Variants in CDH19 observed in about 807,000 individuals in gnomAD.
CDH19 encodes cadherin-19.
CDH19 carries 67 observed loss-of-function variants against 64.2 expected under a neutral mutation model. The ratio of observed to expected loss-of-function variants is 1.04; its 90% CI spans 0.86 to 1.28. The LOEUF (loss-of-function observed/expected upper bound fraction) is 1.28. CDH19 is among the 50% of genes most tolerant of loss of function. CDH19 has a pLI of 0.00. For synonymous variants in CDH19, 346 were observed against 319.3 expected (o/e 1.08, Z -0.89); for missense variants, 1,030 against 929.0 (o/e 1.11, Z -1.41).
intron 7 of CDH19, among the ~76,000 whole-genome samples, chr18:66,539,721 T>G (rs1986814360): frequency 6.6e-6 from 1 of 152,050 alleles, no homozygotes; most frequent in Non-Finnish European, 1.5e-5. Context: ...TCTGTAGTTT[T>G]CTTTGCTTGT....
intron 3 of CDH19, among the ~76,000 whole-genome samples, chr18:66,556,776 G>A (rs1344711398): frequency 6.6e-6 from 1 of 151,804 alleles, no homozygotes; most frequent in Admixed American, 6.6e-5. Context: ...CTCCAACGAA[G>A]ACACACACAA....
intron 3 of CDH19, among the ~76,000 whole-genome samples, chr18:66,566,997 T>C (rs1043509324): frequency 6.6e-5 from 10 of 151,822 alleles, no homozygotes; most frequent in African/African-American, 2.4e-4. Context: ...ATAATTCACC[T>C]CAAATATCAC....
chr18:66,526,726 T>C (rs894257162), intron 9 of CDH19, among the ~76,000 whole-genome samples: 3 of 151,964 alleles, frequency 2.0e-5, no homozygotes, highest in African/African-American at 7.2e-5. Flanking sequence ...TGTGCATAAG[T>C]TTTTTTCACA....
In CDH19 at chr18:66,572,197, C is replaced by T; in HGVS notation, c.8G>A (p.Cys3Tyr). 1 of 1,609,246 alleles carries T rather than the reference C, an allele frequency of 6.2e-7. No individual in the cohort carries two copies. Among genetic ancestry groups the T allele is most frequent in the Non-Finnish European group, 8.5e-7 (1 of 1,176,780 alleles). The part of the protein sequence containing the change: MN[C>Y]YLLLRFMLGI... ...CAACATAAAACGCAGCAGTAAATAA[C>T]AGTTCATTGCGTTGACTCTTTTGAT... Residue 3 changes from cysteine (C) to tyrosine (Y), a missense_variant, in exon 2 of 12, where the codon TGT becomes TAT. By Grantham distance (194) the Cys-to-Tyr change is radical. Transcript: ENST00000262150.
intron 9 of CDH19, among the ~76,000 whole-genome samples, chr18:66,513,111 T>G (rs1056792670): frequency 2.0e-5 from 3 of 151,466 alleles, no homozygotes; most frequent in Admixed American, 2.0e-4. Context: ...AAGTATAGAA[T>G]TCATGTTTAT....
chr18:66,504,067 C>T lies in CDH19; in HGVS notation c.*745G>A, dbSNP rs556942079. 3 of 151,950 alleles carry T rather than the reference C, an allele frequency of 2.0e-5. No homozygotes were observed. The highest frequency in any genetic ancestry group is 2.0e-4 in the Admixed American group (3 of 15,220). The allele number at this position is 151,950 out of a possible 1,614,324, so 9.4% of individuals were successfully genotyped here. A position where few individuals can be genotyped will look rare whatever the true frequency, so the allele number is the denominator to read the frequency against. On this transcript the variant is annotated 3_prime_UTR_variant, in exon 12 of 12. Coordinates refer to ENST00000262150, the MANE Select transcript of CDH19 (RefSeq NM_021153.4). ...ATATCTTAATTCAGTGCCTTTCTCA[C>T]ATTAACCATTTAAAAAGGTTGAGCG...
intron 2 of CDH19, among the ~76,000 whole-genome samples, chr18:66,569,253 T>A (rs1484539009): frequency 6.6e-6 from 1 of 151,706 alleles, no homozygotes; most frequent in Non-Finnish European, 1.5e-5. Flanking sequence ...TTGCTTTATA[T>A]TAGTGTTCTC....
At chr18:66,526,090 G>A (rs1013897017) in intron 9 of CDH19, among the ~76,000 whole-genome samples, 1 of 152,012 alleles carries the variant, frequency 6.6e-6, no homozygotes, top group Non-Finnish European at 1.5e-5. Context: ...ATTTTTAGTT[G>A]TGTGCATAAT....
intron 1 of CDH19, among the ~76,000 whole-genome samples, chr18:66,573,332 C>T (rs976820347): frequency 3.3e-5 from 5 of 151,566 alleles, no homozygotes; most frequent in African/African-American, 1.2e-4. Flanking sequence ...TTTTGAATGA[C>T]TCCTTAGAGA....
In CDH19 at chr18:66,581,020, G is replaced by T. The variant is rs190533123; in HGVS notation, c.-112-8704C>A. Reference sequence around the variant, plus strand: ...AATGCTCTCGCCTGAAATGGGCCCTGGATAAACCAGCAGTGGCATTTTGCC... The same window carrying T: ...AATGCTCTCGCCTGAAATGGGCCCTTGATAAACCAGCAGTGGCATTTTGCC... On this transcript the variant is annotated intron_variant, in intron 1 of 11. Transcript: ENST00000262150. 1.9e-4 allele frequency among the ~76,000 whole-genome samples: 29 copies of T among 152,124 alleles called. 1 individual carries two copies. The East Asian group carries it at 4.8e-3, about 25-fold the overall frequency.
intron 11 of CDH19, among the ~76,000 whole-genome samples, chr18:66,507,763 C>CA (rs1985273826): frequency 1.3e-5 from 2 of 151,798 alleles, no homozygotes; most frequent in Admixed American, 6.6e-5. Flanking sequence ...TTTTTATTCA[C>CA]AAAAGACTTT....
chr18:66,523,714 G>A (rs1986093027), intron 9 of CDH19, among the ~76,000 whole-genome samples: 1 of 151,844 alleles, frequency 6.6e-6, no homozygotes, highest in South Asian at 2.1e-4. Context: ...GTCTGTATGT[G>A]CGTCTGGGGA....
intron 3 of CDH19, among the ~76,000 whole-genome samples, chr18:66,554,776 G>T (rs1170308561): frequency 1.3e-5 from 2 of 151,602 alleles, no homozygotes; most frequent in Admixed American, 6.6e-5. Context: ...CATGTAGATT[G>T]ATGGCCTAAT....
intron 3 of CDH19, among the ~76,000 whole-genome samples, chr18:66,562,495 G>A (rs1987759890): frequency 6.6e-6 from 1 of 151,950 alleles, no homozygotes. Flanking sequence ...AAATACAAAT[G>A]AGGCTTAGCT....
At chr18:66,521,388 G>T (rs1012047836) in intron 9 of CDH19, among the ~76,000 whole-genome samples, 1 of 152,004 alleles carries the variant, frequency 6.6e-6, no homozygotes, top group African/African-American at 2.4e-5. Context: ...TCAACACGAG[G>T]TACTAACTTT....
rs149475604 is a variant in CDH19 at position 66,554,475 on chromosome 18, A to G, written c.540T>C (p.Ser180=). 23 of 1,610,640 alleles carry G rather than the reference A, an allele frequency of 1.4e-5. No homozygotes were observed. In the African/African-American group the frequency reaches 2.9e-4, roughly 21 times the overall value. ...VTASDADDPS[S]GNNARLLYSL... ...TGTAGAGGAGACGAGCATTATTACC[A>G]CTTGAGGGATCGTCAGCATCACTTG... Residue 180 remains serine, a synonymous_variant, in exon 4 of 12, where the codon AGT becomes AGC. Transcript: ENST00000262150.
chr18:66,528,461 C>A (rs753049338), intron 9 of CDH19, among the ~76,000 whole-genome samples: 3 of 152,150 alleles, frequency 2.0e-5, no homozygotes, highest in Non-Finnish European at 2.9e-5. Context: ...CCACCTTTTA[C>A]TTTCCCAAAT....
chr18:66,524,311 T>C (rs528211262), intron 9 of CDH19, among the ~76,000 whole-genome samples: 1 of 151,808 alleles, frequency 6.6e-6, no homozygotes, highest in African/African-American at 2.4e-5. Flanking sequence ...TTTTAAAGAG[T>C]AGTGTGGACA....
intron 9 of CDH19, 53 bp from the exon 10 acceptor site, chr18:66,511,738 T>A: frequency 2.5e-6 from 2 of 806,716 alleles, no homozygotes; most frequent in Non-Finnish European, 4.4e-6. Flanking sequence ...AGGAAGAAGA[T>A]CACTGCTGCT....
Sources: allele counts gnomAD v4.1 joint callset (sites outside exome capture counted in the v4.1 genomes callset), GRCh38; gene constraint gnomAD v4.1.1; transcripts MANE v1.5; gene names NCBI Gene and HGNC (gene_info 2026-07-23, HGNC 2026-07-21).